Variants in IBTK observed in about 807,000 individuals in gnomAD.
IBTK encodes inhibitor of Bruton tyrosine kinase.
IBTK carries 83 observed loss-of-function variants against 154.9 expected under a neutral mutation model. That is an observed-to-expected ratio of 0.54 (90% CI 0.45 to 0.64). The LOEUF is 0.64. IBTK is among the 30% of genes least tolerant of loss of function. The pLI, the probability that IBTK is intolerant of heterozygous loss-of-function variation, is 0.00. For missense variants in IBTK, 1,332 were observed against 1,584.6 expected (o/e 0.84, Z 2.71); for synonymous variants, 515 against 536.1 (o/e 0.96, Z 0.54).
chr6:82,198,267 C>T (rs1029714187), intron 21 of IBTK, among the ~76,000 whole-genome samples: 1 of 152,086 alleles, frequency 6.6e-6, no homozygotes, highest in East Asian at 1.9e-4. Flanking sequence ...GACTGTCTAT[C>T]CATTATTCAT....
rs1354418162 is a variant in IBTK at position 82,171,135 on chromosome 6, G to A, written c.*290C>T. On this transcript the variant is annotated 3_prime_UTR_variant, in exon 29 of 29. Transcript: ENST00000306270. ...ATACTTTACCCCCCTTATATCTTAT[G>A]ATTCAATCACTTATATTTTCCTTTG... 1.1e-5 allele frequency: 2 copies of A among 187,206 alleles called. No individual in the cohort carries two copies. Among genetic ancestry groups the A allele is most frequent in the African/African-American group, 4.7e-5 (2 of 42,400 alleles). 11.6% of individuals were successfully genotyped at this position (187,206 alleles called of 1,614,324 possible).
chr6:82,213,278 C>T (rs1769723256), intron 12 of IBTK, among the ~76,000 whole-genome samples: 1 of 152,216 alleles, frequency 6.6e-6, no homozygotes, highest in African/African-American at 2.4e-5. Context: ...ATCTGCCCAC[C>T]TCAGCCTCCC....
intron 27 of IBTK, 95 bp from the exon 28 acceptor site, chr6:82,172,607 T>C: frequency 8.9e-7 from 1 of 1,124,908 alleles, no homozygotes; most frequent in Non-Finnish European, 1.2e-6. Flanking sequence ...TACAATTCTT[T>C]CCAGTGACCT....
In IBTK at chr6:82,172,229, C is replaced by T. The variant is rs3736749; in HGVS notation, c.3930+151G>A. On this transcript the variant is annotated intron_variant, in intron 28 of 28. Coordinates refer to ENST00000306270, the MANE Select transcript of IBTK (RefSeq NM_015525.4). The stretch of plus-strand genomic sequence containing the variant: ...ATATCTACAACTAATACATACACTG[C>T]TAGATGCCTCAGTTTAATTTTACCT... 2.2e-4 allele frequency: 139 copies of T among 635,056 alleles called. 1 individual carries two copies. The East Asian group carries it at 3.4e-3, about 15-fold the overall frequency. 39.3% of individuals were successfully genotyped at this position (635,056 alleles called of 1,614,324 possible).
Position 82,216,070 on chromosome 6 carries a change from G to A in IBTK, c.1601+6C>T. The stretch of plus-strand genomic sequence containing the variant: ...AAAAAATGAAATTTAATATATACAA[G>A]TATACCTTGTTTTAGGATCTGACTG... On this transcript the variant is annotated splice_donor_region_variant and intron_variant, in intron 11 of 28. Transcript: ENST00000306270. The A allele has an allele frequency of 6.3e-7, 1 of 1,596,472 alleles. No individual in the cohort carries two copies. Among genetic ancestry groups the A allele is most frequent in the South Asian group, 1.1e-5 (1 of 87,938 alleles).
chr6:82,203,530 A>C (rs1317644471), intron 17 of IBTK, among the ~76,000 whole-genome samples: 2 of 152,298 alleles, frequency 1.3e-5, no homozygotes, highest in Non-Finnish European at 2.9e-5. Flanking sequence ...CTAATGATGA[A>C]CAGAGAAATT....
chr6:82,237,550 TAGCAGC>T (rs35272040), intron 2 of IBTK, among the ~76,000 whole-genome samples: 11 of 149,322 alleles, frequency 7.4e-5, no homozygotes, highest in East Asian at 4.0e-4. Context: ...GTAGTAGTAG[TAGCAGC>T]AGCAGCAGCA....
Position 82,223,474 on chromosome 6 carries a change from G to A in IBTK, c.1090C>T (p.Leu364Phe). 6.2e-7 allele frequency: 1 copy of A among 1,613,966 alleles called. No individual in the cohort carries two copies. The highest frequency in any genetic ancestry group is 8.5e-7 in the Non-Finnish European group (1 of 1,179,918). The change falls in exon 8 of 29, where the codon CTT (leucine) becomes TTT (phenylalanine). Residue 364 changes from leucine to phenylalanine, a missense_variant. Transcript: ENST00000306270. ...CVTTRGDIYL[L>F]ADYQCKKMAS... ...ATCTTCTTGCACTGATAGTCTGCAA[G>A]TAAGTAAATATCTCCCCTTGTGGTA...
chr6:82,221,994 A>C (rs1770118286), intron 8 of IBTK, among the ~76,000 whole-genome samples: 1 of 151,980 alleles, frequency 6.6e-6, no homozygotes, highest in African/African-American at 2.4e-5. Flanking sequence ...GAGAAACCCC[A>C]TCTCTACTAA....
At chr6:82,197,662 C>T (rs1264815586) in intron 21 of IBTK, among the ~76,000 whole-genome samples, 2 of 152,250 alleles carry the variant, frequency 1.3e-5, no homozygotes, top group East Asian at 3.9e-4. Context: ...GGAGCCACTG[C>T]GTCTTGCCTC....
At chr6:82,204,765 T>TCA in intron 17 of IBTK, 92 bp downstream of exon 17, 4 of 693,572 alleles carry the variant, frequency 5.8e-6, no homozygotes, top group Non-Finnish European at 8.8e-6. Context: ...AAATGGTCTA[T>TCA]TTTACCATAA....
intron 26 of IBTK, among the ~76,000 whole-genome samples, chr6:82,176,820 C>T (rs1160473311): frequency 6.6e-6 from 1 of 151,944 alleles, no homozygotes; most frequent in African/African-American, 2.4e-5. Context: ...CACCCTAACT[C>T]CCCAAAGGAC....
rs550814324 is a variant in IBTK at position 82,214,100 on chromosome 6, C to T, written c.2204+127G>A. 1.1e-4 allele frequency: 89 copies of T among 825,674 alleles called. No homozygotes were observed. In the African/African-American group the frequency reaches 1.2e-3, roughly 11 times the overall value. The allele number at this position is 825,674 out of a possible 1,614,324, so 51.1% of individuals were successfully genotyped here. A position where few individuals can be genotyped will look rare whatever the true frequency, so the allele number is the denominator to read the frequency against. ...CCTCCTGAGTAGCTGGGACTACAGG[C>T]GCCCGCCACCACACCCGGCTAATTT... is the stretch of plus-strand genomic sequence containing the variant. On this transcript the variant is annotated intron_variant, in intron 12 of 28. Coordinates refer to ENST00000306270, the MANE Select transcript of IBTK (RefSeq NM_015525.4).
chr6:82,220,716 A>G lies in IBTK; in HGVS notation c.1125-3T>C. ...GAACTTTTTTCAAGTTCAACTGTCT[A>G]GATGAAAAAAAAAAAAATCCTAGAT... is the stretch of plus-strand genomic sequence containing the variant. On this transcript the variant is annotated splice_region_variant and splice_polypyrimidine_tract_variant and intron_variant, in intron 8 of 28. Coordinates refer to ENST00000306270, the MANE Select transcript of IBTK (RefSeq NM_015525.4). 1 of 1,550,632 alleles carries G rather than the reference A, an allele frequency of 6.4e-7. No individual in the cohort carries two copies. Among genetic ancestry groups the G allele is most frequent in the Non-Finnish European group, 8.7e-7 (1 of 1,153,214 alleles).
At chr6:82,192,108 T>C (rs998413846) in intron 23 of IBTK, among the ~76,000 whole-genome samples, 1 of 152,138 alleles carries the variant, frequency 6.6e-6, no homozygotes, top group Non-Finnish European at 1.5e-5. Flanking sequence ...ATATAGCACA[T>C]ATACAAATAA....
intron 24 of IBTK, 166 bp downstream of exon 24, chr6:82,191,621 A>G: frequency 1.4e-6 from 1 of 692,616 alleles, no homozygotes; most frequent in East Asian, 2.7e-5. Flanking sequence ...TATCTTTAGC[A>G]CATATTTAAG....
chr6:82,237,794 A>C (rs1770788146), intron 2 of IBTK, among the ~76,000 whole-genome samples: 1 of 151,978 alleles, frequency 6.6e-6, no homozygotes, highest in African/African-American at 2.4e-5. Context: ...ATGTTACTAC[A>C]TAAAAGCCAC....
chr6:82,194,839 A>C (rs1287576799), intron 22 of IBTK, among the ~76,000 whole-genome samples, 197 bp from the exon 23 acceptor site: 1 of 152,144 alleles, frequency 6.6e-6, no homozygotes, highest in Non-Finnish European at 1.5e-5. Context: ...ATTGACTATA[A>C]CTGAATTATT....
intron 1 of IBTK, among the ~76,000 whole-genome samples, chr6:82,243,380 T>C (rs1771027789): frequency 6.6e-6 from 1 of 152,168 alleles, no homozygotes; most frequent in African/African-American, 2.4e-5. Context: ...TTACCCACAA[T>C]CAACCATAGT....
Sources: allele counts gnomAD v4.1 joint callset (sites outside exome capture counted in the v4.1 genomes callset), GRCh38; gene constraint gnomAD v4.1.1; transcripts MANE v1.5; gene names NCBI Gene and HGNC (gene_info 2026-07-23, HGNC 2026-07-21).